The following SPAG16 variants were observed in gnomAD, a reference collection of about 807,000 sequenced individuals.
The protein encoded by SPAG16 is sperm associated antigen 16, also known as sperm-associated antigen 16 protein.
A neutral mutation model predicts 80.4 loss-of-function variants in SPAG16; 86 were observed. The ratio of observed to expected loss-of-function variants is 1.07; its 90% confidence interval spans 0.90 to 1.28. SPAG16 has a LOEUF of 1.28. Ranked by LOEUF, SPAG16 falls within the 50% of genes most tolerant of loss-of-function variation. SPAG16 has a pLI of 0.00. For synonymous variants in SPAG16, 294 were observed against 265.9 expected, an observed-to-expected ratio of 1.11 and a Z score of -1.03; for missense variants, 870 against 765.3, an observed-to-expected ratio of 1.14 and a Z score of -1.61.
intron 15 of SPAG16, among the ~76,000 whole-genome samples, chr2:214,226,210 GCCCGT>G (rs1212238182): frequency 6.6e-6 from 1 of 152,048 alleles, no homozygotes; most frequent in African/African-American, 2.4e-5. Flanking sequence ...GTAGGGGCTA[GCCCGT>G]CTAGGATAGT....
At chr2:213,641,438 T>C (rs1413659996) in intron 10 of SPAG16, among the ~76,000 whole-genome samples, 4 of 152,204 alleles carry the variant, frequency 2.6e-5, no homozygotes, top group Non-Finnish European at 5.9e-5. Context: ...ACTTTGCATT[T>C]GCTCCCCAGA....
chr2:214,323,868 A>G (rs1696284218), intron 15 of SPAG16, among the ~76,000 whole-genome samples: 1 of 152,248 alleles, frequency 6.6e-6, no homozygotes, highest in African/African-American at 2.4e-5. Flanking sequence ...CCAATTTTAT[A>G]AGAAAGGTAA....
At chr2:214,168,867 T>C (rs904477341) in intron 15 of SPAG16, among the ~76,000 whole-genome samples, 1 of 148,750 alleles carries the variant, frequency 6.7e-6, no homozygotes, top group Non-Finnish European at 1.5e-5. Context: ...TGGTACTATT[T>C]TACTTAATGG....
At chr2:214,234,664 G>A (rs866466875) in intron 15 of SPAG16, among the ~76,000 whole-genome samples, 6 of 152,022 alleles carry the variant, frequency 3.9e-5, no homozygotes, top group Middle Eastern at 3.4e-3. Context: ...TTTTTCATAT[G>A]TTTGTTGGAT....
intron 10 of SPAG16, among the ~76,000 whole-genome samples, chr2:213,850,462 T>C (rs941425588): frequency 5.9e-5 from 9 of 152,230 alleles, no homozygotes; most frequent in African/African-American, 1.9e-4. Flanking sequence ...GAAATGTGAT[T>C]GGACAAAAGG....
intron 12 of SPAG16, among the ~76,000 whole-genome samples, chr2:213,932,316 A>G (rs2078800176): frequency 6.6e-6 from 1 of 151,446 alleles, no homozygotes; most frequent in Non-Finnish European, 1.5e-5. Flanking sequence ...TCTGGGTTCA[A>G]GCAGTTAACC....
chr2:214,006,876 A>AG (rs1251144978), intron 12 of SPAG16, among the ~76,000 whole-genome samples: 3 of 152,194 alleles, frequency 2.0e-5, no homozygotes, highest in Admixed American at 6.5e-5. Context: ...AGCTATGTGA[A>AG]GACCTAGCTT....
intron 10 of SPAG16, among the ~76,000 whole-genome samples, chr2:213,750,883 C>T (rs928961781): frequency 6.6e-6 from 1 of 152,148 alleles, no homozygotes; most frequent in African/African-American, 2.4e-5. Flanking sequence ...ATCATAACAG[C>T]TTCCTAATCA....
chr2:213,905,707 G>C (rs563219158), intron 11 of SPAG16, among the ~76,000 whole-genome samples: 1 of 152,260 alleles, frequency 6.6e-6, no homozygotes, highest in Non-Finnish European at 1.5e-5. Flanking sequence ...TCCTTAGATG[G>C]TAGTAAGTAC....
chr2:213,837,397 C>A lies in SPAG16; in HGVS notation c.1071-25088C>A, dbSNP rs530900487. Reference sequence around the variant, plus strand: ...CTATGCTCTTCATAAATGAAAATTACAAATGACTCCCAATTATGCCAAATG... The same window carrying A: ...CTATGCTCTTCATAAATGAAAATTAAAAATGACTCCCAATTATGCCAAATG... On this transcript the variant is annotated intron_variant, in intron 10 of 15. Transcript: ENST00000331683. Among the ~76,000 whole-genome samples the A allele has an allele frequency of 2.6e-5, 4 of 152,302 alleles. No homozygotes were observed. In the East Asian group the frequency reaches 7.7e-4, roughly 29 times the overall value.
intron 12 of SPAG16, among the ~76,000 whole-genome samples, chr2:214,013,562 C>T (rs1428766361): frequency 4.6e-5 from 7 of 151,962 alleles, no homozygotes; most frequent in Non-Finnish European, 7.4e-5. Context: ...ATAACCAAGT[C>T]GGAGAAGCAA....
chr2:214,268,301 A>G (rs990316678), intron 15 of SPAG16, among the ~76,000 whole-genome samples: 2 of 151,826 alleles, frequency 1.3e-5, no homozygotes, highest in Non-Finnish European at 3.0e-5. Flanking sequence ...TACTGTATAT[A>G]TATATCCAAA....
chr2:214,353,995 G>C (rs576755654), intron 15 of SPAG16, among the ~76,000 whole-genome samples: 1 of 151,922 alleles, frequency 6.6e-6, no homozygotes, highest in Non-Finnish European at 1.5e-5. Context: ...TATACACAAA[G>C]GATAAATACT....
Position 213,632,260 on chromosome 2 carries a change from AT to A in SPAG16, c.1070+142178del, listed in dbSNP as rs550796330. On this transcript the variant is annotated intron_variant, in intron 10 of 15. Coordinates refer to ENST00000331683, the MANE Select transcript of SPAG16 (RefSeq NM_024532.5). The stretch of plus-strand genomic sequence containing the variant: ...TACAGTGAATGGGATTCCTTTTTAA[AT>A]TTTTTTTCACATTCTTCACTGTTGG... Among the ~76,000 whole-genome samples the A allele has an allele frequency of 4.9e-3, 748 of 151,404 alleles. 4 individuals carry two copies. Among genetic ancestry groups the A allele is most frequent in the African/African-American group, 0.016 (662 of 41,276 alleles).
chr2:213,843,089 T>C (rs530088725), intron 10 of SPAG16, among the ~76,000 whole-genome samples: 12 of 152,270 alleles, frequency 7.9e-5, no homozygotes, highest in African/African-American at 2.4e-4. Context: ...GTGCCTGGCC[T>C]TTAGGTGCCA....
At chr2:213,659,139 T>G (rs1056317109) in intron 10 of SPAG16, among the ~76,000 whole-genome samples, 1 of 152,246 alleles carries the variant, frequency 6.6e-6, no homozygotes, top group African/African-American at 2.4e-5. Flanking sequence ...ATAGCTCTTA[T>G]GTCTAACCAT....
At chr2:214,078,541 A>T (rs2125252669) in intron 13 of SPAG16, among the ~76,000 whole-genome samples, 1 of 152,046 alleles carries the variant, frequency 6.6e-6, no homozygotes, top group Non-Finnish European at 1.5e-5. Context: ...CTCAAAAAAA[A>T]AAAAAAAAAA....
chr2:213,906,378 A>G (rs2077433069), intron 11 of SPAG16, among the ~76,000 whole-genome samples: 1 of 152,202 alleles, frequency 6.6e-6, no homozygotes, highest in African/African-American at 2.4e-5. Flanking sequence ...GGACACAAAA[A>G]ATGGAAAGAC....
At chr2:213,859,936 G>C (rs1401020949) in intron 10 of SPAG16, among the ~76,000 whole-genome samples, 1 of 152,074 alleles carries the variant, frequency 6.6e-6, no homozygotes, top group Admixed American at 6.6e-5. Flanking sequence ...TAAGCATTTA[G>C]TACCAGGTAT....
Sources: gnomAD v4.1 joint callset for allele counts (sites outside exome capture counted in the v4.1 genomes callset) on GRCh38, gnomAD v4.1.1 for gene constraint, MANE v1.5 for transcripts, NCBI Gene and HGNC (gene_info 2026-07-23, HGNC 2026-07-21) for gene names.